The following FAM120B variants were observed in gnomAD, a reference collection of about 807,000 sequenced individuals.
The protein encoded by FAM120B is constitutive coactivator of peroxisome proliferator-activated receptor gamma.
In FAM120B, 83 loss-of-function variants were observed where a neutral mutation model predicts 96.3. That is an observed-to-expected ratio of 0.86 (90% confidence interval 0.72 to 1.03). The LOEUF (loss-of-function observed/expected upper bound fraction) is 1.03, where lower values mean the gene tolerates loss of function less well. FAM120B is among the 50% of genes least tolerant of loss of function. FAM120B has a pLI of 0.00. For synonymous variants in FAM120B, 407 were observed against 402.7 expected, an observed-to-expected ratio of 1.01 and a Z score of -0.13; for missense variants, 1,027 against 1,121.2, an observed-to-expected ratio of 0.92 and a Z score of 1.20.
At chr6:170,381,344 G>T (rs1394127211) in intron 6 of FAM120B, among the ~76,000 whole-genome samples, 1 of 152,054 alleles carries the variant, frequency 6.6e-6, no homozygotes, top group African/African-American at 2.4e-5. Context: ...ATACCAAACA[G>T]GTTCTTTAAA....
intron 4 of FAM120B, among the ~76,000 whole-genome samples, chr6:170,337,276 A>G (rs1465483250): frequency 6.6e-6 from 1 of 152,228 alleles, no homozygotes; most frequent in East Asian, 1.9e-4. Context: ...CCTTTTCTGC[A>G]TCTATTGAGA....
intron 6 of FAM120B, among the ~76,000 whole-genome samples, chr6:170,362,684 CTTTTTTT>C (rs759098041): frequency 7.2e-6 from 1 of 139,820 alleles, no homozygotes; most frequent in Non-Finnish European, 1.6e-5. Context: ...TTTCTTTTTT[CTTTTTTT>C]TTTTTTTTGA....
In FAM120B at chr6:170,348,325, T is replaced by C; in HGVS notation, c.2190+2T>C. 6.2e-7 allele frequency: 1 copy of C among 1,612,296 alleles called. No individual in the cohort carries two copies. Among genetic ancestry groups the C allele is most frequent in the East Asian group, 2.2e-5 (1 of 44,886 alleles). On this transcript the variant is annotated splice_donor_variant, in intron 5 of 10. Coordinates refer to ENST00000476287, the MANE Select transcript of FAM120B (RefSeq NM_032448.3). LOFTEE classifies it high-confidence loss of function. The stretch of plus-strand genomic sequence containing the variant: ...CTCTTGATCTACCTCTTTGTCCAGG[T>C]AATGTCCAGCTGCCCGTTCTAGTCA...
At chr6:170,343,279 T>C (rs1786961481) in intron 4 of FAM120B, among the ~76,000 whole-genome samples, 1 of 150,998 alleles carries the variant, frequency 6.6e-6, no homozygotes, top group African/African-American at 2.5e-5. Flanking sequence ...ATTAAAGCCT[T>C]TTTGTAGAGT....
chr6:170,384,396 A>G (rs751471214), intron 6 of FAM120B, among the ~76,000 whole-genome samples: 1 of 152,176 alleles, frequency 6.6e-6, no homozygotes, highest in African/African-American at 2.4e-5. Flanking sequence ...AAAATAAATC[A>G]CCAACCAAAC....
chr6:170,344,139 G>A (rs6905293), intron 4 of FAM120B, among the ~76,000 whole-genome samples: 27 of 133,574 alleles, frequency 2.0e-4, no homozygotes, highest in African/African-American at 6.5e-4. Context: ...CCTCTCACTC[G>A]TTCCTGAGCA....
At chr6:170,328,684 G>C (rs1368622595) in intron 3 of FAM120B, among the ~76,000 whole-genome samples, 1 of 152,130 alleles carries the variant, frequency 6.6e-6, no homozygotes, top group Admixed American at 6.5e-5. Flanking sequence ...TGGAAGAAAT[G>C]AGCGTTTTTT....
At chr6:170,306,608 C>A (rs1336975898), upstream of FAM120B, 1 of 152,182 alleles carries the variant, frequency 6.6e-6, no homozygotes, top group African/African-American at 2.4e-5. Context: ...CCGGCGCCTG[C>A]GCGCCGCGTC....
chr6:170,371,425 T>C (rs560044004), intron 6 of FAM120B, among the ~76,000 whole-genome samples: 3 of 152,212 alleles, frequency 2.0e-5, no homozygotes, highest in African/African-American at 7.2e-5. Context: ...TACAAGTGTT[T>C]GTGTGGACCT....
At chr6:170,373,160 T>C (rs1260020314) in intron 6 of FAM120B, among the ~76,000 whole-genome samples, 1 of 152,242 alleles carries the variant, frequency 6.6e-6, no homozygotes, top group African/African-American at 2.4e-5. Context: ...TCCAGTTTCC[T>C]GGTTCCCATC....
Position 170,388,609 on chromosome 6 carries a change from C to A in FAM120B, c.2490+116C>A, listed in dbSNP as rs1016194571. On this transcript the variant is annotated intron_variant, in intron 7 of 10. Coordinates refer to ENST00000476287, the MANE Select transcript of FAM120B (RefSeq NM_032448.3). ...ATTAATGCTTTCCAAATAAAGGATT[C>A]CGTTAAACCAGGAACACATGATTTG... The A allele has an allele frequency of 2.5e-5, 21 of 845,316 alleles. No individual in the cohort carries two copies. In the African/African-American group the frequency reaches 3.1e-4, roughly 12 times the overall value. 52.4% of individuals were successfully genotyped at this position (845,316 alleles called of 1,614,324 possible).
rs958732460 is a variant in FAM120B at position 170,318,797 on chromosome 6, C to T, written c.1407C>T (p.Ser469=). The change falls in exon 2 of 11, where the codon TCC becomes TCT. Residue 469 remains serine (S), a synonymous_variant. Coordinates refer to ENST00000476287, the MANE Select transcript of FAM120B (RefSeq NM_032448.3). ...QEVPMYTGPE[S]RQEVPMYTGP... is the part of the protein sequence containing the mutation. Reference sequence around the variant, plus strand: ...TTCCCATGTATACAGGCCCTGAATCCAGGCAAGAAGTTCCCATGTATACAG... The same window carrying T: ...TTCCCATGTATACAGGCCCTGAATCTAGGCAAGAAGTTCCCATGTATACAG... 6.8e-6 allele frequency: 11 copies of T among 1,614,000 alleles called. No homozygotes were observed. In the African/African-American group the frequency reaches 9.4e-5, roughly 14 times the overall value.
At chr6:170,372,042 T>C (rs1789229276) in intron 6 of FAM120B, among the ~76,000 whole-genome samples, 1 of 152,224 alleles carries the variant, frequency 6.6e-6, no homozygotes, top group South Asian at 2.1e-4. Flanking sequence ...TATTCAGTTA[T>C]TTTTAAAGAG....
chr6:170,382,203 C>G (rs1789946350), intron 6 of FAM120B, among the ~76,000 whole-genome samples: 1 of 152,062 alleles, frequency 6.6e-6, no homozygotes, highest in East Asian at 1.9e-4. Flanking sequence ...AGAGGATTAC[C>G]TAAACCAAGA....
chr6:170,372,343 A>G (rs1318885707), intron 6 of FAM120B, among the ~76,000 whole-genome samples: 1 of 144,678 alleles, frequency 6.9e-6, no homozygotes, highest in African/African-American at 2.6e-5. Context: ...CACTGAGATT[A>G]GTATTTCAGA....
intron 1 of FAM120B, among the ~76,000 whole-genome samples, chr6:170,307,722 G>A (rs115949088): frequency 0.013 from 1,992 of 152,264 alleles, 50 homozygotes; most frequent in African/African-American, 0.046. Context: ...TCAGATCTTA[G>A]CGTTAAAGAG....
intron 6 of FAM120B, among the ~76,000 whole-genome samples, chr6:170,380,231 T>G (rs1789823653): frequency 6.6e-6 from 1 of 152,182 alleles, no homozygotes; most frequent in Non-Finnish European, 1.5e-5. Flanking sequence ...GAATATGTAC[T>G]GTTTTCTTTA....
intron 2 of FAM120B, 94 bp downstream of exon 2, chr6:170,319,218 C>A: frequency 1.6e-6 from 2 of 1,259,986 alleles, no homozygotes; most frequent in Non-Finnish European, 2.2e-6. Flanking sequence ...AGTGTTTGGC[C>A]ACTGAGAGGA....
chr6:170,388,442 G>A lies in FAM120B; in HGVS notation c.2439G>A (p.Lys813=), dbSNP rs1407515755. ...NVFDGKLFHQ[K]YLQSEKGYAV... Reference sequence around the variant, plus strand: ...TTGACGGGAAGCTTTTTCATCAGAAGTACTTGCAATCTGAAAAGGGTTATG... The same window carrying A: ...TTGACGGGAAGCTTTTTCATCAGAAATACTTGCAATCTGAAAAGGGTTATG... Residue 813 remains lysine, a synonymous_variant, in exon 7 of 11, where the codon AAG becomes AAA. Transcript: ENST00000476287. 6.2e-7 allele frequency: 1 copy of A among 1,614,186 alleles called. No homozygotes were observed. The highest frequency in any genetic ancestry group is 1.7e-5 in the Admixed American group (1 of 60,032).
Sources: allele counts gnomAD v4.1 joint callset (sites outside exome capture counted in the v4.1 genomes callset), GRCh38; gene constraint gnomAD v4.1.1; transcripts MANE v1.5; gene names NCBI Gene and HGNC (gene_info 2026-07-23, HGNC 2026-07-21).